Variants in GLI3 observed in about 807,000 individuals in gnomAD.
The protein encoded by GLI3 is GLI family zinc finger 3.
In GLI3, 20 loss-of-function variants were observed where a neutral mutation model predicts 100.8. The observed-to-expected ratio is 0.20, with a 90% confidence interval of 0.14 to 0.29. The LOEUF (loss-of-function observed/expected upper bound fraction) is 0.29, where lower values mean the gene tolerates loss of function less well. Ranked by LOEUF, GLI3 falls within the 10% of genes least tolerant of loss-of-function variation. The pLI, the probability that GLI3 is intolerant of heterozygous loss-of-function variation, is 1.00. For missense variants in GLI3, 2,040 were observed against 2,128.5 expected (o/e 0.96, Z 0.82); for synonymous variants, 938 against 860.5 (o/e 1.09, Z -1.58).
chr7:42,074,219 T>C (rs1460579731), intron 4 of GLI3, among the ~76,000 whole-genome samples: 1 of 152,064 alleles, frequency 6.6e-6, no homozygotes, highest in Non-Finnish European at 1.5e-5. Context: ...TCTGAAGAGG[T>C]GGGTACAGCA....
rs143220691 is a variant in GLI3 at position 42,228,792 on chromosome 7, G to A, written c.-42-5497C>T. 6.1e-3 allele frequency among the ~76,000 whole-genome samples: 929 copies of A among 152,244 alleles called. 11 individuals carry two copies. The highest frequency in any genetic ancestry group is 0.021 in the African/African-American group (885 of 41,532). ...CCCAATGTGTTTTTCTTCATTAGCT[G>A]CCATACATAGATTCAAGTGCTGTGA... On this transcript the variant is annotated intron_variant, in intron 1 of 14. Transcript: ENST00000395925.
At chr7:41,999,660 C>A (rs999156427) in intron 10 of GLI3, among the ~76,000 whole-genome samples, 2 of 152,206 alleles carry the variant, frequency 1.3e-5, no homozygotes, top group African/African-American at 4.8e-5. Context: ...TCCTGCTACA[C>A]ATGACTAGAA....
intron 3 of GLI3, among the ~76,000 whole-genome samples, chr7:42,140,369 A>G (rs1361045264): frequency 6.6e-6 from 1 of 152,232 alleles, no homozygotes; most frequent in Non-Finnish European, 1.5e-5. Flanking sequence ...CAGAATGAAC[A>G]CAAAAATAAA....
intron 10 of GLI3, among the ~76,000 whole-genome samples, chr7:41,994,052 T>C (rs2128719257): frequency 6.6e-6 from 1 of 152,360 alleles, no homozygotes; most frequent in East Asian, 1.9e-4. Context: ...GTAAGGGTTC[T>C]GGCATTTAAA....
At chr7:42,072,160 G>A (rs536653712) in intron 4 of GLI3, among the ~76,000 whole-genome samples, 12 of 152,196 alleles carry the variant, frequency 7.9e-5, no homozygotes, top group Non-Finnish European at 1.6e-4. Flanking sequence ...GCAGCTCACA[G>A]CTCGACTGGC....
At chr7:42,185,635 T>C (rs1186557748) in intron 2 of GLI3, among the ~76,000 whole-genome samples, 1 of 152,212 alleles carries the variant, frequency 6.6e-6, no homozygotes, top group African/African-American at 2.4e-5. Flanking sequence ...GTGCTACAGC[T>C]TCCCTTGTGC....
chr7:42,132,438 T>C (rs1274388861), intron 3 of GLI3, among the ~76,000 whole-genome samples: 1 of 152,188 alleles, frequency 6.6e-6, no homozygotes, highest in African/African-American at 2.4e-5. Flanking sequence ...TGTTAACTTG[T>C]ACATGATAAT....
intron 12 of GLI3, among the ~76,000 whole-genome samples, chr7:41,973,012 C>A (rs1387965961): frequency 1.3e-5 from 2 of 152,120 alleles, no homozygotes; most frequent in Non-Finnish European, 2.9e-5. Flanking sequence ...TTAAAAGACA[C>A]CCATCATCTA....
intron 3 of GLI3, among the ~76,000 whole-genome samples, chr7:42,122,094 C>A (rs779210143): frequency 6.9e-6 from 1 of 145,730 alleles, no homozygotes; most frequent in Non-Finnish European, 1.5e-5. Context: ...GACATGAAGA[C>A]AAATGAATTA....
intron 3 of GLI3, among the ~76,000 whole-genome samples, chr7:42,080,579 A>G (rs1297802408): frequency 6.6e-6 from 1 of 152,204 alleles, no homozygotes; most frequent in African/African-American, 2.4e-5. Flanking sequence ...ACACCTCTTA[A>G]GCCACTTTCT....
At chr7:42,018,190 C>A (rs549488677) in intron 10 of GLI3, among the ~76,000 whole-genome samples, 2 of 152,270 alleles carry the variant, frequency 1.3e-5, no homozygotes, top group African/African-American at 4.8e-5. Context: ...TTAAAGAGAA[C>A]GTGACCCTTA....
rs1282627104 is a variant in GLI3, at chr7:41,967,815, T to C, written c.2212A>G (p.Ile738Val). Residue 738 changes from isoleucine to valine, a missense_variant, in exon 14 of 15, where the codon ATA (isoleucine) becomes GTA (valine). Around this residue, in one of 5 missense-constraint regions of GLI3, gnomAD observed 327 missense variants for 338.7 expected, o/e 0.97. Coordinates refer to ENST00000395925, the MANE Select transcript of GLI3 (RefSeq NM_000168.6). ...TCATCGATGGCACTGAGGTCTCCTA[T>C]ACTACCTCCATCGGTCAGAGGAAGC... ...LELPLTDGGS[I>V]GDLSAIDETP... 1.9e-6 allele frequency: 3 copies of C among 1,614,138 alleles called. No homozygotes were observed. The highest frequency in any genetic ancestry group is 2.2e-5 in the East Asian group (1 of 44,880).
chr7:42,167,132 C>T (rs1316394753), intron 2 of GLI3, among the ~76,000 whole-genome samples: 3 of 152,042 alleles, frequency 2.0e-5, no homozygotes. Flanking sequence ...TGGCCTGGTT[C>T]TGATTCTTTA....
At position 41,968,690 on chromosome 7, in the gene GLI3, A is replaced by G. The variant is rs866314790; in HGVS notation, c.2104-767T>C. The stretch of plus-strand genomic sequence containing the variant: ...ACCAAGAAAGAAAGAAAGAAAGAAG[A>G]AAGAAAGAAAGAAAGAAAGAAAGAA... On this transcript the variant is annotated intron_variant, in intron 13 of 14. Coordinates refer to ENST00000395925, the MANE Select transcript of GLI3 (RefSeq NM_000168.6). Among the ~76,000 whole-genome samples the G allele has an allele frequency of 1.7e-3, 97 of 57,904 alleles. 1 individual carries two copies. Among genetic ancestry groups the G allele is most frequent in the South Asian group, 2.7e-3 (4 of 1,480 alleles). 38.0% of individuals were successfully genotyped at this position (57,904 alleles called of 152,430 possible).
intron 4 of GLI3, among the ~76,000 whole-genome samples, chr7:42,063,633 A>G (rs1163053878): frequency 6.6e-6 from 1 of 152,238 alleles, no homozygotes; most frequent in Non-Finnish European, 1.5e-5. Context: ...TAAAAGATGG[A>G]AAAAGGGATG....
intron 1 of GLI3, among the ~76,000 whole-genome samples, chr7:42,232,679 C>T (rs952580340): frequency 3.9e-5 from 6 of 152,200 alleles, no homozygotes; most frequent in Admixed American, 3.3e-4. Context: ...GACTCCTATG[C>T]AAAATGCAGA....
chr7:42,226,266 T>C (rs992933767), intron 1 of GLI3, among the ~76,000 whole-genome samples: 5 of 152,138 alleles, frequency 3.3e-5, no homozygotes, highest in African/African-American at 9.7e-5. Context: ...AAAAAACCCA[T>C]TCAGAGATGG....
At chr7:42,137,677 C>A (rs1191084828) in intron 3 of GLI3, among the ~76,000 whole-genome samples, 1 of 152,074 alleles carries the variant, frequency 6.6e-6, no homozygotes, top group Non-Finnish European at 1.5e-5. Context: ...GTTGAGTATC[C>A]CTAATCTGAA....
chr7:42,055,585 T>G (rs1784443640), intron 4 of GLI3, among the ~76,000 whole-genome samples: 1 of 152,128 alleles, frequency 6.6e-6, no homozygotes, highest in South Asian at 2.1e-4. Context: ...ACTTTTTCAT[T>G]CCAACTTTGA....
Sources: allele counts gnomAD v4.1 joint callset (sites outside exome capture counted in the v4.1 genomes callset), GRCh38; gene constraint gnomAD v4.1.1; regional missense constraint gnomAD v4.1.1; transcripts MANE v1.5; gene names NCBI Gene and HGNC (gene_info 2026-07-23, HGNC 2026-07-21).